EXOC4: variants seen among roughly 807,000 people sequenced by gnomAD.
EXOC4 encodes SEC8-like 1.
In EXOC4, 71 loss-of-function variants were observed where a neutral mutation model predicts 107.2. The observed-to-expected ratio is 0.66, with a 90% CI of 0.55 to 0.81. The LOEUF (loss-of-function observed/expected upper bound fraction) is 0.81, where lower values mean the gene tolerates loss of function less well. Among genes scored for constraint, EXOC4 ranks in the 30% least tolerant of loss-of-function variants. The pLI is 0.00. For missense variants in EXOC4, 1,108 were observed against 1,189.6 expected (o/e 0.93, Z 1.01); for synonymous variants, 456 against 441.2 (o/e 1.03, Z -0.42).
chr7:133,326,892 C>T (rs762763054), intron 5 of EXOC4, among the ~76,000 whole-genome samples: 1 of 152,232 alleles, frequency 6.6e-6, no homozygotes, highest in African/African-American at 2.4e-5. Flanking sequence ...TTTACCTACT[C>T]AAGGCTCAGC....
At chr7:133,596,172 A>G (rs1441469058) in intron 9 of EXOC4, among the ~76,000 whole-genome samples, 1 of 152,178 alleles carries the variant, frequency 6.6e-6, no homozygotes, top group Non-Finnish European at 1.5e-5. Flanking sequence ...GACCTAATCT[A>G]GATTTCTTTG....
At chr7:134,002,190 T>G (rs1794545655) in intron 15 of EXOC4, among the ~76,000 whole-genome samples, 1 of 152,164 alleles carries the variant, frequency 6.6e-6, no homozygotes, top group Non-Finnish European at 1.5e-5. Flanking sequence ...TTTTTATTGG[T>G]GAAATTAGTC....
intron 9 of EXOC4, among the ~76,000 whole-genome samples, chr7:133,609,660 A>AT (rs1585030330): frequency 6.6e-6 from 1 of 152,216 alleles, no homozygotes; most frequent in East Asian, 1.9e-4. Flanking sequence ...CTTACATGTG[A>AT]TTTTATCCTG....
intron 10 of EXOC4, among the ~76,000 whole-genome samples, chr7:133,721,667 G>C (rs1457611950): frequency 9.9e-5 from 15 of 152,132 alleles, no homozygotes; most frequent in Admixed American, 9.2e-4. Context: ...ATGTAGTCAT[G>C]GGTTAGGTTT....
intron 15 of EXOC4, among the ~76,000 whole-genome samples, chr7:134,002,247 G>T (rs1794546292): frequency 6.6e-6 from 1 of 152,178 alleles, no homozygotes; most frequent in African/African-American, 2.4e-5. Flanking sequence ...CAGTAAAAAT[G>T]AGCAGTAGTC....
At chr7:133,314,568 A>T (rs902831071) in intron 4 of EXOC4, among the ~76,000 whole-genome samples, 1 of 152,212 alleles carries the variant, frequency 6.6e-6, no homozygotes, top group Non-Finnish European at 1.5e-5. Context: ...CCCTAAATTT[A>T]ACTGAAATAT....
intron 7 of EXOC4, among the ~76,000 whole-genome samples, chr7:133,465,446 T>A (rs1241643827): frequency 6.6e-6 from 1 of 152,162 alleles, no homozygotes; most frequent in Admixed American, 6.5e-5. Context: ...TGATTATGGT[T>A]GGTGATTTTT....
chr7:133,481,443 A>C (rs1799155287), intron 9 of EXOC4, among the ~76,000 whole-genome samples: 1 of 152,162 alleles, frequency 6.6e-6, no homozygotes, highest in Admixed American at 6.6e-5. Context: ...TGGCCTGTGT[A>C]ATTAAATATT....
At chr7:133,704,008 T>C (rs1245292716) in intron 10 of EXOC4, among the ~76,000 whole-genome samples, 1 of 152,212 alleles carries the variant, frequency 6.6e-6, no homozygotes, top group African/African-American at 2.4e-5. Context: ...AATTTTCAGT[T>C]CATCTTGATA....
chr7:133,460,502 T>A (rs1235919887), intron 7 of EXOC4, among the ~76,000 whole-genome samples: 1 of 152,224 alleles, frequency 6.6e-6, no homozygotes, highest in Non-Finnish European at 1.5e-5. Flanking sequence ...AATAAAATAG[T>A]TTAATTCCAT....
chr7:133,684,807 GA>G (rs1794260891), intron 10 of EXOC4, among the ~76,000 whole-genome samples: 1 of 152,146 alleles, frequency 6.6e-6, no homozygotes, highest in Non-Finnish European at 1.5e-5. Context: ...TCAGCCTCAG[GA>G]ACCTAGAGGT....
At chr7:133,386,821 G>A (rs903256354) in intron 7 of EXOC4, among the ~76,000 whole-genome samples, 1 of 133,842 alleles carries the variant, frequency 7.5e-6, no homozygotes, top group African/African-American at 3.0e-5. Flanking sequence ...GTAATGAAAG[G>A]AGAGTTTTTT....
At chr7:133,949,741 AT>A (rs1156848898) in intron 14 of EXOC4, among the ~76,000 whole-genome samples, 1 of 150,636 alleles carries the variant, frequency 6.6e-6, no homozygotes, top group Non-Finnish European at 1.5e-5. Flanking sequence ...ATTGTTCATT[AT>A]TTAGTGTTTG....
chr7:133,606,854 A>G (rs958263870), intron 9 of EXOC4, among the ~76,000 whole-genome samples: 1 of 152,102 alleles, frequency 6.6e-6, no homozygotes, highest in East Asian at 1.9e-4. Flanking sequence ...TCTCCAGCAC[A>G]TTGGTGTGAT....
chr7:133,994,794 G>A (rs1247972688), intron 14 of EXOC4, among the ~76,000 whole-genome samples: 1 of 150,678 alleles, frequency 6.6e-6, no homozygotes, highest in Non-Finnish European at 1.5e-5. Flanking sequence ...TGTGTTTCTA[G>A]TAATCTCATA....
chr7:133,374,445 A>C (rs1389118040), intron 6 of EXOC4, among the ~76,000 whole-genome samples: 1 of 152,158 alleles, frequency 6.6e-6, no homozygotes, highest in African/African-American at 2.4e-5. Context: ...GTAACATCTG[A>C]GCTGTTGTCT....
intron 9 of EXOC4, among the ~76,000 whole-genome samples, chr7:133,621,062 A>G (rs1802317341): frequency 6.6e-6 from 1 of 152,180 alleles, no homozygotes; most frequent in Non-Finnish European, 1.5e-5. Flanking sequence ...TCCATTATAG[A>G]AACATTGGGC....
At chr7:133,638,582 C>A (rs1160229248) in intron 10 of EXOC4, among the ~76,000 whole-genome samples, 2 of 152,086 alleles carry the variant, frequency 1.3e-5, no homozygotes, top group Non-Finnish European at 1.5e-5. Flanking sequence ...CGAATGCCAC[C>A]CCTCCCTACC....
intron 14 of EXOC4, among the ~76,000 whole-genome samples, chr7:133,980,760 T>G (rs920666745): frequency 2.1e-4 from 32 of 152,102 alleles, no homozygotes; most frequent in African/African-American, 7.7e-4. Flanking sequence ...ATTAATCTTT[T>G]ACTTTTTAAA....
Sources: gnomAD v4.1 joint callset for allele counts (sites outside exome capture counted in the v4.1 genomes callset) on GRCh38, gnomAD v4.1.1 for gene constraint, MANE v1.5 for transcripts, NCBI Gene and HGNC (gene_info 2026-07-23, HGNC 2026-07-21) for gene names.